Variants in SYT1 observed in about 807,000 individuals in gnomAD.
SYT1 encodes synaptotagmin-1.
A neutral mutation model predicts 44.8 loss-of-function variants in SYT1; 8 were observed. That is an observed-to-expected ratio of 0.18 (90% confidence interval 0.10 to 0.32). The LOEUF (loss-of-function observed/expected upper bound fraction) is 0.32, where lower values mean the gene tolerates loss of function less well. Among genes scored for constraint, SYT1 ranks in the 10% least tolerant of loss-of-function variants. SYT1 has a pLI of 1.00. For missense variants in SYT1, 286 were observed against 509.3 expected (o/e 0.56, Z 4.22); for synonymous variants, 154 against 188.8 (o/e 0.82, Z 1.51).
At chr12:79,281,348 T>G (rs571210785) in intron 4 of SYT1, among the ~76,000 whole-genome samples, 277 of 152,248 alleles carry the variant, frequency 1.8e-3, no homozygotes, top group Middle Eastern at 0.014. Flanking sequence ...TACTACTCAG[T>G]TATAATAAAA....
At chr12:79,421,697 T>G (rs536937827) in intron 9 of SYT1, among the ~76,000 whole-genome samples, 3 of 150,434 alleles carry the variant, frequency 2.0e-5, no homozygotes, top group South Asian at 2.1e-4. Context: ...ACTTTTTTTG[T>G]TTTTTTGTTT....
chr12:79,164,703 C>A (rs1871138395), intron 3 of SYT1, among the ~76,000 whole-genome samples: 1 of 151,982 alleles, frequency 6.6e-6, no homozygotes, highest in African/African-American at 2.4e-5. Flanking sequence ...CAGTAACAGG[C>A]ATTTGGAGAT....
chr12:79,363,647 A>T (rs2136030476), intron 9 of SYT1, among the ~76,000 whole-genome samples: 1 of 151,564 alleles, frequency 6.6e-6, no homozygotes, highest in East Asian at 1.9e-4. Flanking sequence ...AGGTGAGAAG[A>T]TCTCTCAAGC....
chr12:79,443,431 T>C (rs1870538016), intron 9 of SYT1, among the ~76,000 whole-genome samples: 1 of 152,216 alleles, frequency 6.6e-6, no homozygotes, highest in African/African-American at 2.4e-5. Flanking sequence ...CAACTTGTAG[T>C]TTCATGTCTT....
chr12:79,396,476 G>C (rs147969267), intron 9 of SYT1, among the ~76,000 whole-genome samples: 1 of 152,132 alleles, frequency 6.6e-6, no homozygotes, highest in Admixed American at 6.5e-5. Flanking sequence ...GAAGCAGTTA[G>C]TTGAAGGTCA....
At chr12:79,427,043 C>T (rs1869494826) in intron 9 of SYT1, among the ~76,000 whole-genome samples, 1 of 152,202 alleles carries the variant, frequency 6.6e-6, no homozygotes, top group African/African-American at 2.4e-5. Flanking sequence ...TGAGGCCTCC[C>T]TAAGCCATGC....
intron 3 of SYT1, among the ~76,000 whole-genome samples, chr12:79,128,813 A>G (rs1457781969): frequency 6.6e-6 from 1 of 152,206 alleles, no homozygotes; most frequent in Non-Finnish European, 1.5e-5. Flanking sequence ...CATTATTATC[A>G]TACTTACCTT....
At chr12:79,163,942 T>C (rs1484686772) in intron 3 of SYT1, among the ~76,000 whole-genome samples, 1 of 152,114 alleles carries the variant, frequency 6.6e-6, no homozygotes, top group Non-Finnish European at 1.5e-5. Flanking sequence ...TCAATCAGGC[T>C]GTTGGTAGGA....
At chr12:79,145,753 G>C (rs113635034) in intron 3 of SYT1, among the ~76,000 whole-genome samples, 1 of 129,958 alleles carries the variant, frequency 7.7e-6, no homozygotes, top group East Asian at 2.1e-4. Flanking sequence ...TTTTTTTTTT[G>C]TTTGTTTGTT....
chr12:79,170,599 G>T (rs1017187236), intron 3 of SYT1, among the ~76,000 whole-genome samples: 2 of 152,000 alleles, frequency 1.3e-5, no homozygotes, highest in African/African-American at 4.8e-5. Flanking sequence ...CTGGATATTA[G>T]ACCTTTGTTA....
Position 79,284,794 on chromosome 12 carries a change from G to A in SYT1, c.167-993G>A, listed in dbSNP as rs145849340. Among the ~76,000 whole-genome samples the A allele has an allele frequency of 3.7e-3, 554 of 150,272 alleles. 1 individual carries two copies. The highest frequency in any genetic ancestry group is 0.013 in the African/African-American group (519 of 40,764). On this transcript the variant is annotated intron_variant, in intron 4 of 10. Coordinates refer to ENST00000261205, the MANE Select transcript of SYT1 (RefSeq NM_005639.3). ...GCAGAGTTTGCAGTGAGCCGAGATC[G>A]TGCCACTACACTCCAGCCTGGCAAG... is the stretch of plus-strand genomic sequence containing the variant.
At chr12:79,132,554 T>G (rs1256867701) in intron 3 of SYT1, among the ~76,000 whole-genome samples, 1 of 150,712 alleles carries the variant, frequency 6.6e-6, no homozygotes, top group Non-Finnish European at 1.5e-5. Context: ...CTTAACCCGG[T>G]TAGGATGTCT....
intron 3 of SYT1, among the ~76,000 whole-genome samples, chr12:79,111,024 G>A (rs534391140): frequency 7.0e-6 from 1 of 142,104 alleles, no homozygotes; most frequent in East Asian, 2.4e-4. Flanking sequence ...CCTACACTCT[G>A]GGTAACATTT....
At chr12:79,249,190 C>A (rs1238696465) in intron 4 of SYT1, among the ~76,000 whole-genome samples, 1 of 141,690 alleles carries the variant, frequency 7.1e-6, no homozygotes. Flanking sequence ...CTGCAAGCTC[C>A]GCTTCCCGGG....
intron 3 of SYT1, among the ~76,000 whole-genome samples, chr12:79,074,500 G>A (rs1344956317): frequency 1.3e-5 from 2 of 152,156 alleles, no homozygotes; most frequent in Non-Finnish European, 2.9e-5. Flanking sequence ...CTCTCATTAA[G>A]TCTTTTAAAA....
chr12:79,146,925 C>G (rs1203482414), intron 3 of SYT1, among the ~76,000 whole-genome samples: 1 of 152,190 alleles, frequency 6.6e-6, no homozygotes, highest in Non-Finnish European at 1.5e-5. Flanking sequence ...ACTGCAAGCT[C>G]TGCTTCCCGG....
intron 3 of SYT1, among the ~76,000 whole-genome samples, chr12:79,121,119 G>GT: frequency 6.6e-6 from 1 of 151,960 alleles, no homozygotes; most frequent in Admixed American, 6.6e-5. Context: ...TTAGGAATCT[G>GT]TTTGTCTTCC....
At chr12:79,102,178 G>A (rs1025782122) in intron 3 of SYT1, among the ~76,000 whole-genome samples, 3 of 151,668 alleles carry the variant, frequency 2.0e-5, no homozygotes, top group Non-Finnish European at 2.9e-5. Context: ...TCCAAATTCT[G>A]CAAAAAATGC....
intron 3 of SYT1, among the ~76,000 whole-genome samples, chr12:79,162,153 A>G (rs1488867472): frequency 6.6e-6 from 1 of 152,140 alleles, no homozygotes; most frequent in Non-Finnish European, 1.5e-5. Context: ...TTTTGTGTAC[A>G]ATAAGGAATG....
Sources: gnomAD v4.1 joint callset for allele counts (sites outside exome capture counted in the v4.1 genomes callset) on GRCh38, gnomAD v4.1.1 for gene constraint, MANE v1.5 for transcripts, NCBI Gene and HGNC (gene_info 2026-07-23, HGNC 2026-07-21) for gene names.